DNAH14: variants seen among roughly 807,000 people sequenced by gnomAD.
DNAH14 encodes axonemal beta dynein heavy chain 14.
In DNAH14, 478 loss-of-function variants were observed where a neutral mutation model predicts 520.9. The ratio of observed to expected loss-of-function variants is 0.92; its 90% confidence interval spans 0.85 to 0.99. DNAH14 has a LOEUF of 0.99. Ranked by LOEUF, DNAH14 falls within the 50% of genes least tolerant of loss-of-function variation. DNAH14 has a pLI of 0.00. For missense variants in DNAH14, 4,831 were observed against 5,234.5 expected (o/e 0.92, Z 2.38); for synonymous variants, 1,581 against 1,757.2 (o/e 0.90, Z 2.51).
chr1:225,365,160 A>G (rs1048583754), intron 76 of DNAH14, among the ~76,000 whole-genome samples: 2 of 152,216 alleles, frequency 1.3e-5, no homozygotes, highest in Non-Finnish European at 2.9e-5. Context: ...AAAATTTACA[A>G]TTTGTGTTGT....
At chr1:225,242,626 G>A (rs2092032749) in intron 43 of DNAH14, among the ~76,000 whole-genome samples, 1 of 152,146 alleles carries the variant, frequency 6.6e-6, no homozygotes, top group Admixed American at 6.5e-5. Flanking sequence ...CCTGCCTGAA[G>A]CTGTTTTACA....
chr1:225,054,917 A>G (rs984937244), intron 17 of DNAH14, among the ~76,000 whole-genome samples: 1 of 152,188 alleles, frequency 6.6e-6, no homozygotes, highest in Non-Finnish European at 1.5e-5. Context: ...TCTTTTAAAA[A>G]GAGAAATCAA....
intron 37 of DNAH14, among the ~76,000 whole-genome samples, chr1:225,188,742 A>T (rs890739929): frequency 2.0e-5 from 3 of 151,972 alleles, no homozygotes; most frequent in African/African-American, 2.4e-5. Context: ...TGGAATTTTG[A>T]TAGGAATTGC....
At chr1:225,150,588 C>T (rs1309045560) in intron 31 of DNAH14, among the ~76,000 whole-genome samples, 1 of 152,054 alleles carries the variant, frequency 6.6e-6, no homozygotes, top group East Asian at 1.9e-4. Context: ...CATTATTGGT[C>T]TGTTCAGGGC....
intron 10 of DNAH14, among the ~76,000 whole-genome samples, chr1:225,014,772 G>A (rs1218655853): frequency 6.6e-6 from 1 of 152,194 alleles, no homozygotes; most frequent in African/African-American, 2.4e-5. Context: ...GTATTCTGCA[G>A]CTGTTGGGCA....
chr1:225,012,196 T>C (rs564745689), intron 10 of DNAH14, among the ~76,000 whole-genome samples: 1 of 152,314 alleles, frequency 6.6e-6, no homozygotes, highest in East Asian at 1.9e-4. Flanking sequence ...ATATTATTTC[T>C]CCTTCACTTG....
rs531387394 is a variant in DNAH14 at position 225,355,973 on chromosome 1, A to G, written c.11619+2085A>G. ...CTCCCATCATGCTTATGTCTGGCTT[A>G]TTTCACATAGCATGATGTTTTCAAA... is the stretch of plus-strand genomic sequence containing the variant. On this transcript the variant is annotated intron_variant, in intron 73 of 85. Transcript: ENST00000682510. Among the ~76,000 whole-genome samples the G allele has an allele frequency of 1.8e-4, 28 of 152,230 alleles. No homozygotes were observed. In the South Asian group the frequency reaches 5.6e-3, roughly 30 times the overall value.
intron 23 of DNAH14, 146 bp downstream of exon 23, chr1:225,101,030 A>G: frequency 3.5e-6 from 2 of 568,244 alleles, no homozygotes; most frequent in Non-Finnish European, 5.8e-6. Flanking sequence ...CACTACCTAT[A>G]GAGTTAATAA....
chr1:225,096,650 A>G (rs1266048473), intron 21 of DNAH14, among the ~76,000 whole-genome samples: 1 of 152,218 alleles, frequency 6.6e-6, no homozygotes, highest in African/African-American at 2.4e-5. Context: ...TTGTTATGAA[A>G]TGCAAGTTAT....
intron 62 of DNAH14, 61 bp downstream of exon 62, chr1:225,322,884 C>T: frequency 7.3e-7 from 1 of 1,369,920 alleles, no homozygotes. Context: ...TCAAACAGAC[C>T]ACCTGCCATC....
chr1:225,353,907 A>AAATATTTAG lies in DNAH14; in HGVS notation c.11619+25_11619+26insTAGAATATT. 7.8e-7 allele frequency: 1 copy of AAATATTTAG among 1,283,714 alleles called. No homozygotes were observed. The highest frequency in any genetic ancestry group is 1.1e-6 in the Non-Finnish European group (1 of 918,738). The allele number at this position is 1,283,714 out of a possible 1,614,324, so 79.5% of individuals were successfully genotyped here. The stretch of plus-strand genomic sequence containing the variant: ...TATTTTGGTAAGATATCTTATGAGG[A>AAATATTTAG]AATATTAATATTCTAAATATTTTGA... On this transcript the variant is annotated intron_variant, in intron 73 of 85. Coordinates refer to ENST00000682510, the MANE Select transcript of DNAH14 (RefSeq NM_001367479.1).
chr1:225,141,125 T>A (rs1008348122), intron 28 of DNAH14, 104 bp downstream of exon 28: 1 of 1,194,854 alleles, frequency 8.4e-7, no homozygotes, highest in East Asian at 2.6e-5. Flanking sequence ...AGTTTTAATT[T>A]TGGGGGCTTT....
intron 17 of DNAH14, among the ~76,000 whole-genome samples, chr1:225,071,880 G>A (rs1477019637): frequency 1.3e-5 from 2 of 152,176 alleles, no homozygotes; most frequent in Non-Finnish European, 2.9e-5. Flanking sequence ...CTGCCCCCAT[G>A]ATTCAATCAC....
At chr1:225,288,325 C>A (rs1437947727) in intron 54 of DNAH14, among the ~76,000 whole-genome samples, 1 of 151,976 alleles carries the variant, frequency 6.6e-6, no homozygotes, top group Non-Finnish European at 1.5e-5. Flanking sequence ...TTAAGGCCAT[C>A]AAAAATAAGG....
rs1383545522 is a variant in DNAH14, at chr1:225,080,417, G to A, written c.2805G>A (p.Val935=). 9 of 1,549,444 alleles carry A rather than the reference G, an allele frequency of 5.8e-6. No individual in the cohort carries two copies. The highest frequency in any genetic ancestry group is 1.4e-5 in the African/African-American group (1 of 73,020). ...TPLLLCAGTQ[V]STAMEMIQTL... Reference sequence around the variant, plus strand: ...TTCTGTTATGTGCTGGTACTCAAGTGTCAACAGCAATGGAAATGATCCAGA... The same window carrying A: ...TTCTGTTATGTGCTGGTACTCAAGTATCAACAGCAATGGAAATGATCCAGA... The change falls in exon 19 of 86, where the codon GTG becomes GTA. Residue 935 remains valine, a synonymous_variant. Transcript: ENST00000682510.
chr1:225,037,927 A>G (rs957001642), intron 11 of DNAH14, among the ~76,000 whole-genome samples: 5 of 152,040 alleles, frequency 3.3e-5, no homozygotes, highest in Admixed American at 3.3e-4. Flanking sequence ...AGGTGATCTG[A>G]TCTGCCCGCC....
At chr1:225,107,499 G>A (rs1010307008) in intron 23 of DNAH14, among the ~76,000 whole-genome samples, 10 of 152,124 alleles carry the variant, frequency 6.6e-5, no homozygotes, top group Middle Eastern at 3.2e-3. Context: ...TCCTCATGCC[G>A]GCTTAGACAA....
chr1:225,106,526 C>T (rs139613327), intron 23 of DNAH14, among the ~76,000 whole-genome samples: 11,119 of 152,226 alleles, frequency 0.073, 631 homozygotes, highest in East Asian at 0.24. Context: ...ACCAATCAGA[C>T]GTAGATTTGG....
intron 54 of DNAH14, among the ~76,000 whole-genome samples, chr1:225,287,199 A>T (rs2093767363): frequency 6.6e-6 from 1 of 152,174 alleles, no homozygotes; most frequent in Admixed American, 6.6e-5. Flanking sequence ...ATGAGCCTTA[A>T]TGTTTACAAA....
Sources: allele counts gnomAD v4.1 joint callset (sites outside exome capture counted in the v4.1 genomes callset), GRCh38; gene constraint gnomAD v4.1.1; transcripts MANE v1.5; gene names NCBI Gene and HGNC (gene_info 2026-07-23, HGNC 2026-07-21).